LRRK2: variants seen among roughly 807,000 people sequenced by gnomAD.
LRRK2 encodes the protein leucine-rich repeat serine/threonine-protein kinase 2.
In LRRK2, 203 loss-of-function variants were observed where a neutral mutation model predicts 302.6. The ratio of observed to expected loss-of-function variants is 0.67; its 90% CI spans 0.60 to 0.75. The LOEUF (loss-of-function observed/expected upper bound fraction) is 0.75, where lower values mean the gene tolerates loss of function less well. Ranked by LOEUF, LRRK2 falls within the 30% of genes least tolerant of loss-of-function variation. The probability of loss-of-function intolerance (pLI) is 0.00; values close to 1 mark genes in which losing one functional copy is unlikely to be tolerated. For missense variants in LRRK2, 2,830 were observed against 2,951.0 expected (o/e 0.96, Z 0.95); for synonymous variants, 1,066 against 1,031.9 (o/e 1.03, Z -0.63).
intron 11 of LRRK2, 114 bp from the exon 12 acceptor site, chr12:40,257,134 G>A: frequency 2.7e-6 from 2 of 739,278 alleles, no homozygotes; most frequent in East Asian, 2.7e-5. Flanking sequence ...TAAATTATGT[G>A]TGCTCTTGTA....
At chr12:40,296,049 T>C (rs1386734599) in intron 23 of LRRK2, among the ~76,000 whole-genome samples, 2 of 152,334 alleles carry the variant, frequency 1.3e-5, no homozygotes, top group Non-Finnish European at 2.9e-5. Flanking sequence ...AACATGTCAC[T>C]CCGCCTGCTC....
At position 40,250,288 on chromosome 12, in the gene LRRK2, G is replaced by A. The variant is rs529886986; in HGVS notation, c.958+343G>A. 2.6e-5 allele frequency among the ~76,000 whole-genome samples: 4 copies of A among 151,960 alleles called. No homozygotes were observed. In the South Asian group the frequency reaches 6.2e-4, roughly 24 times the overall value. ...GGGTGGATCACAAGGTCAGGAGTTC[G>A]AGACCAGCCTGGCCAACATGGTGAA... On this transcript the variant is annotated intron_variant, in intron 8 of 50. Coordinates refer to ENST00000298910, the MANE Select transcript of LRRK2 (RefSeq NM_198578.4).
rs1946465350 is a variant in LRRK2, at chr12:40,354,473, A to G, written c.6751A>G (p.Asn2251Asp). 6.2e-7 allele frequency: 1 copy of G among 1,613,974 alleles called. No individual in the cohort carries two copies. The change falls in exon 45 of 51, where the codon AAT becomes GAT. Residue 2251 changes from asparagine (N) to aspartate (D), a missense_variant. Transcript: ENST00000298910. ...TGATTCTGTCACTTGTTTGTATTGC[A>G]ATTCCTTTTCCAAGCAAAGGTATGG... ...MTDSVTCLYC[N>D]SFSKQSKQKN...
Position 40,335,168 on chromosome 12 carries a change from C to A in LRRK2, c.5948+11C>A. On this transcript the variant is annotated intron_variant, in intron 40 of 50. Transcript: ENST00000298910. ...AGCTGATGGTTTGAGGTAAGTAGGT[C>A]ATGTTGTTTTCTATTCAGTGCATGA... 6.2e-7 allele frequency: 1 copy of A among 1,613,678 alleles called. No homozygotes were observed. Among genetic ancestry groups the A allele is most frequent in the South Asian group, 1.1e-5 (1 of 90,960 alleles).
At chr12:40,317,774 CT>C (rs1210191154) in intron 33 of LRRK2, among the ~76,000 whole-genome samples, 1 of 152,166 alleles carries the variant, frequency 6.6e-6, no homozygotes, top group East Asian at 1.9e-4. Flanking sequence ...GTTAGGAGCT[CT>C]TTTAAAGGTG....
intron 18 of LRRK2, among the ~76,000 whole-genome samples, chr12:40,280,318 G>A (rs925340188): frequency 2.6e-5 from 4 of 151,874 alleles, no homozygotes; most frequent in Non-Finnish European, 5.9e-5. Flanking sequence ...AACCATGTAT[G>A]ATGGCACACA....
At chr12:40,257,110 C>A in intron 11 of LRRK2, 138 bp from the exon 12 acceptor site, 1 of 661,034 alleles carries the variant, frequency 1.5e-6, no homozygotes, top group Non-Finnish European at 2.5e-6. Context: ...TATCTTTAAG[C>A]TGTCAATGAA....
intron 39 of LRRK2, among the ~76,000 whole-genome samples, chr12:40,328,858 G>A (rs546418508): frequency 6.6e-6 from 1 of 152,308 alleles, no homozygotes; most frequent in South Asian, 2.1e-4. Context: ...ATACTCCACA[G>A]TAGTCAGACT....
At chr12:40,260,608 C>T (rs113752270) in intron 13 of LRRK2, among the ~76,000 whole-genome samples, 1,915 of 152,124 alleles carry the variant, frequency 0.013, 54 homozygotes, top group African/African-American at 0.041. Flanking sequence ...GAAGCCAACC[C>T]AAGTTTATTA....
intron 2 of LRRK2, among the ~76,000 whole-genome samples, chr12:40,227,347 A>G (rs1940949363): frequency 1.3e-5 from 2 of 152,334 alleles, no homozygotes; most frequent in South Asian, 4.1e-4. Context: ...ATTTTAAAAT[A>G]TGCAATGAAT....
chr12:40,284,262 T>A (rs1592221290), intron 19 of LRRK2, 129 bp downstream of exon 19: 2 of 41,502 alleles, frequency 4.8e-5, no homozygotes, highest in Non-Finnish European at 7.6e-5. Context: ...AAGGTTTGGA[T>A]TTTTTTTTTT....
chr12:40,245,512 A>G (rs1941940661), intron 7 of LRRK2, among the ~76,000 whole-genome samples: 1 of 152,050 alleles, frequency 6.6e-6, no homozygotes, highest in African/African-American at 2.4e-5. Context: ...TTTTTTAGGC[A>G]CAGCTTGCCT....
intron 14 of LRRK2, among the ~76,000 whole-genome samples, chr12:40,270,547 T>C (rs1299669196): frequency 1.3e-5 from 2 of 152,154 alleles, no homozygotes; most frequent in Non-Finnish European, 2.9e-5. Flanking sequence ...TTGTTTTTTT[T>C]TCCTTGAAGT....
chr12:40,323,798 CTTT>C (rs76080191), intron 38 of LRRK2, among the ~76,000 whole-genome samples: 14,613 of 145,946 alleles, frequency 0.1, 865 homozygotes, highest in Admixed American at 0.16. Flanking sequence ...TACTCAAATA[CTTT>C]TTTTTTTTTT....
chr12:40,298,159 C>T, intron 23 of LRRK2, 84 bp from the exon 24 acceptor site: 1 of 1,399,686 alleles, frequency 7.1e-7, no homozygotes, highest in Non-Finnish European at 1.0e-6. Context: ...TTCTAGTTAC[C>T]AGAGGTGTGT....
intron 31 of LRRK2, chr12:40,312,903 G>A (rs911286204): frequency 1.3e-5 from 2 of 151,886 alleles, no homozygotes; most frequent in Non-Finnish European, 2.9e-5. Flanking sequence ...AACATGAAAA[G>A]TGGAGGTTAG....
At chr12:40,343,380 C>T (rs1377031177) in intron 41 of LRRK2, among the ~76,000 whole-genome samples, 5 of 152,202 alleles carry the variant, frequency 3.3e-5, no homozygotes, top group East Asian at 1.9e-4. Context: ...TTAACTAATG[C>T]GATAGTATTT....
chr12:40,299,292 C>A (rs1446310068), intron 25 of LRRK2, 35 bp downstream of exon 25: 2 of 1,609,990 alleles, frequency 1.2e-6, no homozygotes, highest in South Asian at 2.2e-5. Context: ...CCTTACCAGG[C>A]CCTCTAAGTT....
chr12:40,350,199 T>C (rs1481530716), intron 43 of LRRK2, among the ~76,000 whole-genome samples: 2 of 152,234 alleles, frequency 1.3e-5, no homozygotes, highest in African/African-American at 4.8e-5. Flanking sequence ...ACAGTCCCTT[T>C]ACTAAGACTG....
Sources: gnomAD v4.1 joint callset for allele counts (sites outside exome capture counted in the v4.1 genomes callset) on GRCh38, gnomAD v4.1.1 for gene constraint, MANE v1.5 for transcripts, NCBI Gene and HGNC (gene_info 2026-07-23, HGNC 2026-07-21) for gene names.